TNIK: variants seen among roughly 807,000 people sequenced by gnomAD.
The protein encoded by TNIK is TRAF2 and NCK interacting kinase.
Under a neutral mutation model 191.3 loss-of-function variants are expected in TNIK, and 49 were observed. The ratio of observed to expected loss-of-function variants is 0.26; its 90% CI spans 0.20 to 0.32. TNIK has a LOEUF of 0.32. Ranked by LOEUF, TNIK falls within the 10% of genes least tolerant of loss-of-function variation. TNIK has a pLI of 1.00. For synonymous variants in TNIK, 594 were observed against 600.9 expected, an observed-to-expected ratio of 0.99 and a Z score of 0.17; for missense variants, 1,155 against 1,702.3, an observed-to-expected ratio of 0.68 and a Z score of 5.66.
intron 2 of TNIK, among the ~76,000 whole-genome samples, chr3:171,239,631 G>GTCT (rs1744709519): frequency 6.6e-6 from 1 of 152,224 alleles, no homozygotes; most frequent in Non-Finnish European, 1.5e-5. Context: ...TCCAACAGAT[G>GTCT]TCTTCTGTGT....
chr3:171,234,181 T>C (rs1277186627), intron 2 of TNIK, among the ~76,000 whole-genome samples: 1 of 152,220 alleles, frequency 6.6e-6, no homozygotes, highest in Non-Finnish European at 1.5e-5. Flanking sequence ...ACAACATGTC[T>C]TGAGGCAAAG....
intron 7 of TNIK, among the ~76,000 whole-genome samples, chr3:171,178,561 C>T (rs1304048330): frequency 6.6e-6 from 1 of 152,168 alleles, no homozygotes; most frequent in Non-Finnish European, 1.5e-5. Context: ...TAACAATATT[C>T]TCCTCCCATA....
At chr3:171,293,124 T>G (rs887061902) in intron 2 of TNIK, among the ~76,000 whole-genome samples, 1 of 152,226 alleles carries the variant, frequency 6.6e-6, no homozygotes, top group African/African-American at 2.4e-5. Context: ...TATTGTTATC[T>G]GTGGAAAGGT....
chr3:171,277,415 A>T (rs182117012), intron 2 of TNIK, among the ~76,000 whole-genome samples: 2 of 152,368 alleles, frequency 1.3e-5, no homozygotes, highest in Non-Finnish European at 1.5e-5. Context: ...TAAAAGAGAA[A>T]AAAGTAGTTG....
rs1289303064 is a variant in TNIK, at chr3:171,175,307, T to G, written c.718A>C (p.Arg240=). 1.2e-5 allele frequency: 20 copies of G among 1,611,610 alleles called. No individual in the cohort carries two copies. Among genetic ancestry groups the G allele is most frequent in the Admixed American group, 1.7e-5 (1 of 59,810 alleles). The part of the protein sequence containing the change: ...APPLCDMHPM[R]ALFLIPRNPA... Reference sequence around the variant, plus strand: ...TTCCGGGGGATGAGGAAGAGAGCTCTCATGGGGTGCATGTCACAGAGAGCT... The same window carrying G: ...TTCCGGGGGATGAGGAAGAGAGCTCGCATGGGGTGCATGTCACAGAGAGCT... Residue 240 remains arginine (R), a synonymous_variant, in exon 9 of 33, where the codon AGA becomes CGA. Transcript: ENST00000436636.
chr3:171,365,093 A>G (rs1715504912), intron 2 of TNIK, among the ~76,000 whole-genome samples: 1 of 146,216 alleles, frequency 6.8e-6, no homozygotes, highest in East Asian at 2.2e-4. Context: ...AGATGTAAGT[A>G]TATGTTTGGA....
chr3:171,191,594 T>C (rs938134370), intron 5 of TNIK, among the ~76,000 whole-genome samples: 1 of 152,234 alleles, frequency 6.6e-6, no homozygotes, highest in African/African-American at 2.4e-5. Context: ...GCCAAGAAAT[T>C]TCCCATTGGC....
intron 23 of TNIK, among the ~76,000 whole-genome samples, chr3:171,091,133 T>G (rs1722002091): frequency 6.6e-6 from 1 of 152,042 alleles, no homozygotes. Context: ...CGGTTAAACA[T>G]TTTTTCTGGT....
chr3:171,143,052 G>A (rs1305435171), intron 12 of TNIK, among the ~76,000 whole-genome samples: 1 of 152,112 alleles, frequency 6.6e-6, no homozygotes, highest in East Asian at 1.9e-4. Context: ...AGAGCGTCTG[G>A]GCTTCCCAAG....
chr3:171,404,042 T>C (rs902996269), intron 1 of TNIK, among the ~76,000 whole-genome samples: 3 of 152,224 alleles, frequency 2.0e-5, no homozygotes, highest in African/African-American at 7.2e-5. Context: ...GAGAAGCATC[T>C]TCAATTTATC....
At chr3:171,408,642 G>C (rs1181105999) in intron 1 of TNIK, among the ~76,000 whole-genome samples, 1 of 152,106 alleles carries the variant, frequency 6.6e-6, no homozygotes, top group Non-Finnish European at 1.5e-5. Context: ...GCTTGTTTAT[G>C]GGACTACCCA....
intron 5 of TNIK, among the ~76,000 whole-genome samples, chr3:171,191,928 A>G (rs368365054): frequency 8.5e-5 from 13 of 152,234 alleles, no homozygotes; most frequent in Admixed American, 2.6e-4. Context: ...CTGATAATTC[A>G]ATGTATCGGG....
intron 12 of TNIK, among the ~76,000 whole-genome samples, chr3:171,141,426 A>G (rs1730820709): frequency 6.6e-6 from 1 of 152,236 alleles, no homozygotes; most frequent in Admixed American, 6.5e-5. Context: ...GAATGATAGA[A>G]AGATCACAAA....
chr3:171,083,513 T>C (rs914555852), intron 26 of TNIK, among the ~76,000 whole-genome samples: 2 of 152,230 alleles, frequency 1.3e-5, no homozygotes, highest in African/African-American at 4.8e-5. Flanking sequence ...AAGACTTTGA[T>C]AGAATCTCAT....
At chr3:171,423,988 C>A (rs1051345215) in intron 1 of TNIK, among the ~76,000 whole-genome samples, 2 of 152,150 alleles carry the variant, frequency 1.3e-5, no homozygotes, top group Non-Finnish European at 2.9e-5. Context: ...CAAATGGGAT[C>A]TAATTAAACT....
chr3:171,256,742 C>T (rs943406985), intron 2 of TNIK, among the ~76,000 whole-genome samples: 1 of 152,158 alleles, frequency 6.6e-6, no homozygotes, highest in Non-Finnish European at 1.5e-5. Flanking sequence ...CATCCCCATT[C>T]TGACTTGGGA....
chr3:171,077,025 C>T (rs1720044367), intron 28 of TNIK, among the ~76,000 whole-genome samples: 2 of 151,818 alleles, frequency 1.3e-5, no homozygotes, highest in East Asian at 1.9e-4. Flanking sequence ...TATTATTGTT[C>T]ATGACTGAGG....
chr3:171,251,219 A>C (rs527334289), intron 2 of TNIK, among the ~76,000 whole-genome samples: 1 of 152,366 alleles, frequency 6.6e-6, no homozygotes, highest in African/African-American at 2.4e-5. Context: ...CAGCAGGAAC[A>C]GACAACAGAG....
At chr3:171,309,150 TA>T (rs1753760671) in intron 2 of TNIK, among the ~76,000 whole-genome samples, 1 of 149,960 alleles carries the variant, frequency 6.7e-6, no homozygotes. Context: ...GGAATCAACC[TA>T]AATGCCCATC....
Sources: gnomAD v4.1 joint callset for allele counts (sites outside exome capture counted in the v4.1 genomes callset) on GRCh38, gnomAD v4.1.1 for gene constraint, MANE v1.5 for transcripts, NCBI Gene and HGNC (gene_info 2026-07-23, HGNC 2026-07-21) for gene names.